The following CABCOCO1 variants were observed in gnomAD, a reference collection of about 807,000 sequenced individuals.
CABCOCO1 encodes the protein ciliary-associated calcium-binding coiled-coil protein 1.
In CABCOCO1, 28 loss-of-function variants were observed where a neutral mutation model predicts 35.7. The ratio of observed to expected loss-of-function variants is 0.78; its 90% CI spans 0.58 to 1.07. CABCOCO1 has a LOEUF of 1.07. CABCOCO1 is among the 50% of genes least tolerant of loss of function. The pLI is 0.00. For synonymous variants in CABCOCO1, 95 were observed against 100.1 expected, an observed-to-expected ratio of 0.95 and a Z score of 0.30; for missense variants, 326 against 309.2, an observed-to-expected ratio of 1.05 and a Z score of -0.41.
Position 61,680,691 on chromosome 10 carries a change from A to AACATATATGTTATACATGTTAT in CABCOCO1, c.165-444_165-443insGTTATACATGTTATACATATAT, listed in dbSNP as rs1400997149. Among the ~76,000 whole-genome samples, 9 of 95,394 alleles carry AACATATATGTTATACATGTTAT rather than the reference A, an allele frequency of 9.4e-5. 2 individuals are homozygous for AACATATATGTTATACATGTTAT. The highest frequency in any genetic ancestry group is 3.8e-4 in the African/African-American group (9 of 23,442). 62.6% of individuals were successfully genotyped at this position (95,394 alleles called of 152,430 possible). On this transcript the variant is annotated intron_variant, in intron 2 of 7. Coordinates refer to ENST00000648843, the MANE Select transcript of CABCOCO1 (RefSeq NM_001366906.2). Reference sequence around the variant, plus strand: ...TATAACATATATGTTATACATGTATAACATATATATGTTATACATGTATAA... The same window carrying AACATATATGTTATACATGTTAT: ...TATAACATATATGTTATACATGTATAACATATATGTTATACATGTTATACATATATATGTTATACATGTATAA...
At chr10:61,682,593 T>C (rs951067463) in intron 3 of CABCOCO1, among the ~76,000 whole-genome samples, 24 of 152,178 alleles carry the variant, frequency 1.6e-4, no homozygotes, top group Admixed American at 1.4e-3. Flanking sequence ...TGATGCTAAA[T>C]TGGTTTTCCC....
At chr10:61,721,585 C>T (rs1205336277) in intron 5 of CABCOCO1, among the ~76,000 whole-genome samples, 3 of 152,118 alleles carry the variant, frequency 2.0e-5, no homozygotes, top group Non-Finnish European at 4.4e-5. Flanking sequence ...GGAAGAGGAG[C>T]CACAAAAGAG....
chr10:61,690,493 T>C, intron 4 of CABCOCO1, 56 bp from the exon 5 acceptor site: 1 of 1,171,698 alleles, frequency 8.5e-7, no homozygotes, highest in Non-Finnish European at 1.3e-6. Flanking sequence ...CTTTACATAT[T>C]GTGTTTTTTT....
intron 5 of CABCOCO1, among the ~76,000 whole-genome samples, chr10:61,717,009 A>G (rs571997370): frequency 6.6e-6 from 1 of 152,292 alleles, no homozygotes; most frequent in East Asian, 1.9e-4. Context: ...AGAAAAGAAA[A>G]AGAAAATAGT....
chr10:61,730,230 A>G (rs1449987860), intron 5 of CABCOCO1, among the ~76,000 whole-genome samples: 1 of 152,074 alleles, frequency 6.6e-6, no homozygotes, highest in Admixed American at 6.6e-5. Flanking sequence ...GAAAGGAAAA[A>G]ATTAGATGGG....
intron 5 of CABCOCO1, among the ~76,000 whole-genome samples, chr10:61,742,832 A>G (rs543277651): frequency 6.6e-6 from 1 of 152,290 alleles, no homozygotes; most frequent in South Asian, 2.1e-4. Context: ...CAGCATAAGA[A>G]CATATCTTAA....
chr10:61,664,651 A>C (rs1178328396), intron 1 of CABCOCO1, among the ~76,000 whole-genome samples: 1 of 152,220 alleles, frequency 6.6e-6, no homozygotes, highest in Non-Finnish European at 1.5e-5. Flanking sequence ...ACAGGGACTT[A>C]ATTAGCAGTG....
chr10:61,751,999 C>G (rs1278415614), intron 5 of CABCOCO1, among the ~76,000 whole-genome samples: 2 of 152,268 alleles, frequency 1.3e-5, no homozygotes, highest in East Asian at 3.9e-4. Flanking sequence ...GGTGAAAGGT[C>G]TCTTTTGAGA....
chr10:61,688,830 C>A (rs1322698171), intron 4 of CABCOCO1, among the ~76,000 whole-genome samples: 1 of 152,182 alleles, frequency 6.6e-6, no homozygotes, highest in Non-Finnish European at 1.5e-5. Flanking sequence ...TTGAGTCAGT[C>A]AGAAGCAGAA....
At chr10:61,686,319 A>C in intron 4 of CABCOCO1, 134 bp downstream of exon 4, 1 of 648,956 alleles carries the variant, frequency 1.5e-6, no homozygotes, top group Non-Finnish European at 2.4e-6. Flanking sequence ...CCAATCAATA[A>C]TTAGGTACTT....
intron 5 of CABCOCO1, among the ~76,000 whole-genome samples, chr10:61,699,610 T>C (rs1243286423): frequency 2.6e-5 from 4 of 152,050 alleles, no homozygotes; most frequent in Non-Finnish European, 5.9e-5. Context: ...AACCCATGCC[T>C]ACTATCCCCT....
chr10:61,699,884 A>G (rs910470435), intron 5 of CABCOCO1, among the ~76,000 whole-genome samples: 3 of 152,176 alleles, frequency 2.0e-5, no homozygotes, highest in African/African-American at 7.2e-5. Flanking sequence ...TTCTGAGTAT[A>G]GGAGTTACAT....
intron 3 of CABCOCO1, among the ~76,000 whole-genome samples, chr10:61,681,915 C>T (rs1839804339): frequency 3.3e-5 from 5 of 152,060 alleles, no homozygotes; most frequent in Admixed American, 3.3e-4. Flanking sequence ...AAGAACTGGG[C>T]ATGTGGGCAA....
At chr10:61,739,874 G>A (rs947635475) in intron 5 of CABCOCO1, among the ~76,000 whole-genome samples, 1 of 152,206 alleles carries the variant, frequency 6.6e-6, no homozygotes, top group Non-Finnish European at 1.5e-5. Flanking sequence ...CCCAGAAGGC[G>A]GAGGCTGCAG....
chr10:61,689,036 C>T (rs765421703), intron 4 of CABCOCO1, among the ~76,000 whole-genome samples: 7 of 152,078 alleles, frequency 4.6e-5, no homozygotes, highest in Non-Finnish European at 8.8e-5. Context: ...AACCTAATTC[C>T]TATATGCAAT....
chr10:61,696,637 A>G (rs1019816651), intron 5 of CABCOCO1, among the ~76,000 whole-genome samples: 3 of 152,156 alleles, frequency 2.0e-5, no homozygotes, highest in Non-Finnish European at 4.4e-5. Context: ...AGCTGGGACT[A>G]CAGACACACA....
chr10:61,670,261 A>G lies in CABCOCO1; in HGVS notation c.61-2371A>G, dbSNP rs77341367. On this transcript the variant is annotated intron_variant, in intron 1 of 7. Transcript: ENST00000648843. ...ATCATTTAAACAAATATATAACCAT[A>G]TATTATAGATCAAAACAGTACCTTA... is the stretch of plus-strand genomic sequence containing the variant. Among the ~76,000 whole-genome samples the G allele has an allele frequency of 1.6e-3, 237 of 152,206 alleles. 1 individual carries two copies. Among genetic ancestry groups the G allele is most frequent in the African/African-American group, 5.3e-3 (220 of 41,548 alleles).
chr10:61,737,632 G>T (rs1041846871), intron 5 of CABCOCO1, among the ~76,000 whole-genome samples: 5 of 152,170 alleles, frequency 3.3e-5, no homozygotes, highest in African/African-American at 1.2e-4. Flanking sequence ...CCATAAAAAA[G>T]CACAAGATCA....
At chr10:61,690,651 A>C (rs1208730007) in intron 5 of CABCOCO1, 30 bp downstream of exon 5, 2 of 1,432,868 alleles carry the variant, frequency 1.4e-6, no homozygotes, top group African/African-American at 1.4e-5. Flanking sequence ...GGAACAAGTT[A>C]AGCAGAATCA....
Sources: gnomAD v4.1 joint callset for allele counts (sites outside exome capture counted in the v4.1 genomes callset) on GRCh38, gnomAD v4.1.1 for gene constraint, MANE v1.5 for transcripts, NCBI Gene and HGNC (gene_info 2026-07-23, HGNC 2026-07-21) for gene names.